The following LRP1B variants were observed in gnomAD, a reference collection of about 807,000 sequenced individuals.
LRP1B encodes LDL receptor related protein 1B.
LRP1B carries 217 observed loss-of-function variants against 556.6 expected under a neutral mutation model. The observed-to-expected ratio is 0.39, with a 90% CI of 0.35 to 0.44. LRP1B has a LOEUF of 0.44. Ranked by LOEUF, LRP1B falls within the 20% of genes least tolerant of loss-of-function variation. The pLI is 1.00. For missense variants in LRP1B, 5,053 were observed against 5,620.8 expected, an observed-to-expected ratio of 0.90 and a Z score of 3.23; for synonymous variants, 2,047 against 1,865.8, an observed-to-expected ratio of 1.10 and a Z score of -2.50.
At chr2:141,908,882 AG>A (rs1699830178) in intron 1 of LRP1B, among the ~76,000 whole-genome samples, 1 of 152,092 alleles carries the variant, frequency 6.6e-6, no homozygotes, top group Non-Finnish European at 1.5e-5. Context: ...AATTTGAGCA[AG>A]CCATTGAGGT....
At chr2:140,246,098 G>A (rs1278631249) in intron 87 of LRP1B, among the ~76,000 whole-genome samples, 1 of 151,320 alleles carries the variant, frequency 6.6e-6, no homozygotes, top group African/African-American at 2.4e-5. Context: ...CAACAAACAG[G>A]AATGTCAGCA....
intron 3 of LRP1B, among the ~76,000 whole-genome samples, chr2:141,397,915 T>C (rs1261770711): frequency 1.4e-5 from 2 of 145,060 alleles, no homozygotes; most frequent in Non-Finnish European, 3.0e-5. Flanking sequence ...CACACATATA[T>C]GCATATGTAT....
At chr2:141,232,308 TGACA>T (rs1683501063) in intron 5 of LRP1B, among the ~76,000 whole-genome samples, 1 of 152,194 alleles carries the variant, frequency 6.6e-6, no homozygotes, top group Non-Finnish European at 1.5e-5. Flanking sequence ...AAAGATAGAC[TGACA>T]ATGTCAGTCC....
chr2:141,061,668 C>T (rs995413176), intron 8 of LRP1B, among the ~76,000 whole-genome samples: 35 of 151,794 alleles, frequency 2.3e-4, no homozygotes, highest in African/African-American at 7.5e-4. Flanking sequence ...ATATCTCCAA[C>T]GCCACATGGG....
chr2:140,499,098 T>C (rs926447827), intron 55 of LRP1B, among the ~76,000 whole-genome samples: 4 of 151,980 alleles, frequency 2.6e-5, no homozygotes, highest in Middle Eastern at 3.4e-3. Context: ...ATGAAAACAC[T>C]GGCATTTATA....
At chr2:140,763,594 A>T (rs1393336554) in intron 35 of LRP1B, among the ~76,000 whole-genome samples, 1 of 152,112 alleles carries the variant, frequency 6.6e-6, no homozygotes, top group Non-Finnish European at 1.5e-5. Flanking sequence ...GTAGGTGATC[A>T]TTGTGCATCT....
intron 60 of LRP1B, among the ~76,000 whole-genome samples, chr2:140,459,295 A>T (rs1687223124): frequency 6.6e-6 from 1 of 152,150 alleles, no homozygotes; most frequent in South Asian, 2.1e-4. Flanking sequence ...AATCTTGGTG[A>T]TGGGTGATTA....
chr2:142,058,404 CCTG>C (rs1471975416), intron 1 of LRP1B, among the ~76,000 whole-genome samples: 5 of 152,162 alleles, frequency 3.3e-5, no homozygotes, highest in Admixed American at 3.3e-4. Context: ...TAGCGGGTAT[CCTG>C]CTGTTCTTCC....
At position 142,115,537 on chromosome 2, in the gene LRP1B, CATATGTAATATATATATTAT is replaced by C. The variant is rs1281651799; in HGVS notation, c.82+15091_82+15110del. Among the ~76,000 whole-genome samples, 37 of 14,712 alleles carry C rather than the reference CATATGTAATATATATATTAT, an allele frequency of 2.5e-3. 9 individuals are homozygous for C. Among genetic ancestry groups the C allele is most frequent in the African/African-American group, 5.7e-3 (36 of 6,316 alleles). 9.7% of individuals were successfully genotyped at this position (14,712 alleles called of 152,430 possible). On this transcript the variant is annotated intron_variant, in intron 1 of 90. Transcript: ENST00000389484. Reference sequence around the variant, plus strand: ...TATTACATATATAATATATATATTACATATGTAATATATATATTATATATGTAATATATATTATATATGTA... The same window carrying C: ...TATTACATATATAATATATATATTACATATGTAATATATATTATATATGTA...
At chr2:140,710,545 A>G (rs558528222) in intron 37 of LRP1B, among the ~76,000 whole-genome samples, 45 of 152,058 alleles carry the variant, frequency 3.0e-4, no homozygotes, top group African/African-American at 1.0e-3. Flanking sequence ...TTTTAAAAAC[A>G]TGGGATTAGA....
At chr2:141,118,513 C>A (rs1700962920) in intron 7 of LRP1B, among the ~76,000 whole-genome samples, 1 of 151,830 alleles carries the variant, frequency 6.6e-6, no homozygotes, top group South Asian at 2.1e-4. Flanking sequence ...CTCTATGGAC[C>A]ATATGAAATG....
intron 2 of LRP1B, among the ~76,000 whole-genome samples, chr2:141,773,559 G>A (rs1694967053): frequency 2.0e-5 from 3 of 152,214 alleles, no homozygotes; most frequent in Non-Finnish European, 1.5e-5. Context: ...GAATGAGAAA[G>A]GCTAGCACAA....
In LRP1B at chr2:140,902,977, A is replaced by T; in HGVS notation, c.3709T>A (p.Cys1237Ser). 6.2e-7 allele frequency: 1 copy of T among 1,613,754 alleles called. No homozygotes were observed. Among genetic ancestry groups the T allele is most frequent in the Non-Finnish European group, 8.5e-7 (1 of 1,179,750 alleles). ...AGCTTCCAACCTTCATAACATGAGC[A>T]CTTGACTGTGTGCTTGTGCTGCTCA... ...VCEQHKHTVK[C>S]SCYEGWKLDV... The change falls in exon 23 of 91, where the codon TGC becomes AGC. Residue 1237 changes from cysteine to serine, a missense_variant. This residue lies in a region of LRP1B where 3,619 missense variants were observed against 3,931.9 expected (regional missense o/e 0.92). Coordinates refer to ENST00000389484, the MANE Select transcript of LRP1B (RefSeq NM_018557.3).
Position 140,309,068 on chromosome 2 carries a change from T to C in LRP1B, c.12805+5867A>G, listed in dbSNP as rs1420066800. ...TGAATGCTTTAAAAAAATGCTAGTC[T>C]TTTCAATAAGGAGATTTGACATTCT... On this transcript the variant is annotated intron_variant, in intron 83 of 90. Transcript: ENST00000389484. Among the ~76,000 whole-genome samples, 4 of 151,986 alleles carry C rather than the reference T, an allele frequency of 2.6e-5. No individual in the cohort carries two copies. The East Asian group carries it at 7.7e-4, about 29-fold the overall frequency.
At chr2:141,606,033 C>G (rs1687908224) in intron 2 of LRP1B, among the ~76,000 whole-genome samples, 1 of 151,952 alleles carries the variant, frequency 6.6e-6, no homozygotes, top group African/African-American at 2.4e-5. Context: ...GCTCTTTGTA[C>G]ATGTTTGAAG....
chr2:141,177,366 A>G (rs1680783832), intron 7 of LRP1B, among the ~76,000 whole-genome samples: 1 of 152,118 alleles, frequency 6.6e-6, no homozygotes, highest in South Asian at 2.1e-4. Context: ...CAAGTACAAT[A>G]CCGCTTTAAT....
At chr2:141,035,338 T>A (rs1353875501) in intron 11 of LRP1B, among the ~76,000 whole-genome samples, 1 of 146,758 alleles carries the variant, frequency 6.8e-6, no homozygotes, top group Non-Finnish European at 1.5e-5. Flanking sequence ...ACATGTACCC[T>A]AAAACTTGAA....
chr2:141,923,650 A>T (rs1405115905), intron 1 of LRP1B, among the ~76,000 whole-genome samples: 5 of 151,332 alleles, frequency 3.3e-5, no homozygotes, highest in African/African-American at 9.7e-5. Context: ...TAATTACAGA[A>T]TGTCTGTAAT....
At chr2:140,895,738 G>T (rs2105210479) in intron 23 of LRP1B, among the ~76,000 whole-genome samples, 1 of 152,240 alleles carries the variant, frequency 6.6e-6, no homozygotes, top group Admixed American at 6.5e-5. Context: ...GTGGGATGGA[G>T]AGCTGAAAAG....
Sources: allele counts gnomAD v4.1 joint callset (sites outside exome capture counted in the v4.1 genomes callset), GRCh38; gene constraint gnomAD v4.1.1; regional missense constraint gnomAD v4.1.1; transcripts MANE v1.5; gene names NCBI Gene and HGNC (gene_info 2026-07-23, HGNC 2026-07-21).